Variants in PPFIA2 observed in about 807,000 individuals in gnomAD.
The protein encoded by PPFIA2 is PPFI scaffold protein A2.
A neutral mutation model predicts 175.5 loss-of-function variants in PPFIA2; 46 were observed. The observed-to-expected ratio is 0.26, with a 90% CI of 0.21 to 0.34. The LOEUF (loss-of-function observed/expected upper bound fraction) is 0.34. Ranked by LOEUF, PPFIA2 falls within the 10% of genes least tolerant of loss-of-function variation. The probability of loss-of-function intolerance (pLI) is 1.00; values close to 1 mark genes in which losing one functional copy is unlikely to be tolerated. For synonymous variants in PPFIA2, 568 were observed against 511.4 expected, an observed-to-expected ratio of 1.11 and a Z score of -1.49; for missense variants, 1,179 against 1,506.1, an observed-to-expected ratio of 0.78 and a Z score of 3.60.
At chr12:81,376,677 T>A (rs1034313948) in intron 9 of PPFIA2, among the ~76,000 whole-genome samples, 2 of 152,214 alleles carry the variant, frequency 1.3e-5, no homozygotes, top group African/African-American at 4.8e-5. Flanking sequence ...GGAAATTTAT[T>A]GGTAGTTAGA....
chr12:81,311,212 G>C (rs1423806543), intron 22 of PPFIA2, among the ~76,000 whole-genome samples: 1 of 152,148 alleles, frequency 6.6e-6, no homozygotes, highest in Non-Finnish European at 1.5e-5. Context: ...TTTAAAATTT[G>C]AAGCCATTAT....
At chr12:81,744,692 C>G (rs2153658108) in intron 3 of PPFIA2, among the ~76,000 whole-genome samples, 1 of 152,306 alleles carries the variant, frequency 6.6e-6, no homozygotes, top group South Asian at 2.1e-4. Context: ...TCCCAAAGTG[C>G]TGGGATTACA....
At chr12:81,555,547 A>T (rs542463911) in intron 4 of PPFIA2, among the ~76,000 whole-genome samples, 2 of 152,104 alleles carry the variant, frequency 1.3e-5, no homozygotes, top group South Asian at 4.1e-4. Context: ...TAACAGGCAC[A>T]ATTTTCAAAC....
At chr12:81,310,417 G>A (rs993026623) in intron 22 of PPFIA2, among the ~76,000 whole-genome samples, 2 of 152,086 alleles carry the variant, frequency 1.3e-5, no homozygotes, top group Non-Finnish European at 2.9e-5. Flanking sequence ...AGGAGCATGT[G>A]TAAGACAATA....
Position 81,352,301 on chromosome 12 carries a change from G to T in PPFIA2, c.1994+818C>A, listed in dbSNP as rs552848433. ...CAAGTTCAAGATCAAGGTTCCAGCA[G>T]GATTCTGTTTTTGGTAAAGGCTCTC... On this transcript the variant is annotated intron_variant, in intron 17 of 32. Coordinates refer to ENST00000549396, the MANE Select transcript of PPFIA2 (RefSeq NM_003625.5). Among the ~76,000 whole-genome samples, 3 of 151,778 alleles carry T rather than the reference G, an allele frequency of 2.0e-5. No individual in the cohort carries two copies. In the South Asian group the frequency reaches 6.3e-4, roughly 32 times the overall value.
chr12:81,423,135 C>T (rs747249104), intron 7 of PPFIA2, among the ~76,000 whole-genome samples: 42 of 151,842 alleles, frequency 2.8e-4, no homozygotes, highest in Non-Finnish European at 4.7e-4. Flanking sequence ...AGTAATAAAC[C>T]AACCCAAATA....
At chr12:81,320,724 G>T (rs2053476024) in intron 22 of PPFIA2, among the ~76,000 whole-genome samples, 1 of 151,966 alleles carries the variant, frequency 6.6e-6, no homozygotes, top group African/African-American at 2.4e-5. Context: ...CATTTATATT[G>T]CTGGAGATAA....
intron 3 of PPFIA2, among the ~76,000 whole-genome samples, chr12:81,693,565 T>G (rs1042622835): frequency 1.3e-5 from 2 of 152,150 alleles, no homozygotes; most frequent in Non-Finnish European, 2.9e-5. Flanking sequence ...CAGTCTCATA[T>G]ATTTCTTTGT....
intron 3 of PPFIA2, among the ~76,000 whole-genome samples, chr12:81,714,473 G>T (rs980910586): frequency 6.6e-6 from 1 of 150,990 alleles, no homozygotes; most frequent in Non-Finnish European, 1.5e-5. Flanking sequence ...AATGTCAAAG[G>T]AAGATATTAA....
intron 5 of PPFIA2, among the ~76,000 whole-genome samples, chr12:81,449,733 C>T (rs1276866201): frequency 6.6e-6 from 1 of 151,754 alleles, no homozygotes; most frequent in East Asian, 1.9e-4. Flanking sequence ...TGGTGTGCTG[C>T]ACCCATTAAC....
chr12:81,734,723 A>C (rs1233690495), intron 3 of PPFIA2, among the ~76,000 whole-genome samples: 1 of 151,802 alleles, frequency 6.6e-6, no homozygotes, highest in Non-Finnish European at 1.5e-5. Flanking sequence ...CTTTGTGTTT[A>C]GTGTAGAATG....
chr12:81,677,314 A>G (rs2072723713), intron 3 of PPFIA2, among the ~76,000 whole-genome samples: 1 of 151,950 alleles, frequency 6.6e-6, no homozygotes, highest in South Asian at 2.1e-4. Flanking sequence ...TAAGTCCATC[A>G]CCTCAAACAT....
At chr12:81,441,147 A>T (rs1428659585) in intron 6 of PPFIA2, among the ~76,000 whole-genome samples, 1 of 151,756 alleles carries the variant, frequency 6.6e-6, no homozygotes, top group Non-Finnish European at 1.5e-5. Context: ...AAAATATGTA[A>T]AAACCCAGAT....
chr12:81,654,049 T>C (rs1444929843), intron 4 of PPFIA2, among the ~76,000 whole-genome samples: 1 of 150,208 alleles, frequency 6.7e-6, no homozygotes, highest in Non-Finnish European at 1.5e-5. Context: ...TGGCATATAC[T>C]CAAAAAAAGC....
At chr12:81,425,782 T>C (rs559362359) in intron 7 of PPFIA2, among the ~76,000 whole-genome samples, 1 of 152,318 alleles carries the variant, frequency 6.6e-6, no homozygotes, top group South Asian at 2.1e-4. Flanking sequence ...TACTGTAAGT[T>C]ATTTTCTTCC....
intron 3 of PPFIA2, among the ~76,000 whole-genome samples, chr12:81,705,471 A>G (rs928298469): frequency 2.7e-5 from 4 of 150,502 alleles, no homozygotes; most frequent in Middle Eastern, 3.4e-3. Flanking sequence ...AAAAAAAAAA[A>G]AAAGAAAAGA....
intron 8 of PPFIA2, among the ~76,000 whole-genome samples, chr12:81,397,229 A>T (rs924098106): frequency 6.6e-6 from 1 of 151,946 alleles, no homozygotes; most frequent in Non-Finnish European, 1.5e-5. Flanking sequence ...GTGTAGGTAG[A>T]GAACATGTGG....
intron 4 of PPFIA2, among the ~76,000 whole-genome samples, chr12:81,624,466 G>T: frequency 6.9e-6 from 1 of 144,126 alleles, no homozygotes; most frequent in South Asian, 2.2e-4. Context: ...AGTGACCTGG[G>T]CATATATATA....
chr12:81,665,997 A>G (rs28651824), intron 4 of PPFIA2, among the ~76,000 whole-genome samples: 26 of 152,126 alleles, frequency 1.7e-4, no homozygotes, highest in African/African-American at 5.5e-4. Context: ...GCAGCCAAAA[A>G]ACACATGAAA....
Sources: allele counts gnomAD v4.1 joint callset (sites outside exome capture counted in the v4.1 genomes callset), GRCh38; gene constraint gnomAD v4.1.1; transcripts MANE v1.5; gene names NCBI Gene and HGNC (gene_info 2026-07-23, HGNC 2026-07-21).